APLP2: variants seen among roughly 807,000 people sequenced by gnomAD.
APLP2 encodes CDEI box-binding protein.
Under a neutral mutation model 89.9 loss-of-function variants are expected in APLP2, and 53 were observed. The ratio of observed to expected loss-of-function variants is 0.59; its 90% confidence interval spans 0.47 to 0.74. The LOEUF (loss-of-function observed/expected upper bound fraction) is 0.74, where lower values mean the gene tolerates loss of function less well. Among genes scored for constraint, APLP2 ranks in the 30% least tolerant of loss-of-function variants. The pLI, the probability that APLP2 is intolerant of heterozygous loss-of-function variation, is 0.00. For synonymous variants in APLP2, 372 were observed against 348.6 expected (o/e 1.07, Z -0.75); for missense variants, 973 against 975.9 (o/e 1.00, Z 0.04).
intron 1 of APLP2, among the ~76,000 whole-genome samples, chr11:130,082,027 A>G (rs1186872734): frequency 1.3e-5 from 2 of 152,218 alleles, no homozygotes; most frequent in Non-Finnish European, 2.9e-5. Flanking sequence ...TGACAGAACA[A>G]ATAACACCAT....
In APLP2 at chr11:130,086,604, T is replaced by C. The variant is rs145265349; in HGVS notation, c.105+16522T>C. ...GAAATCGTTGTGAAATATAATGTTATGAAGCTTTTCTCCTAAGTCTTCTTC... is the reference window on the plus strand; with the variant it reads ...GAAATCGTTGTGAAATATAATGTTACGAAGCTTTTCTCCTAAGTCTTCTTC... On this transcript the variant is annotated intron_variant, in intron 1 of 16. Transcript: ENST00000338167. Among the ~76,000 whole-genome samples the C allele has an allele frequency of 5.8e-3, 881 of 152,356 alleles. 13 individuals carry two copies. The highest frequency in any genetic ancestry group is 0.019 in the African/African-American group (785 of 41,576).
At chr11:130,124,119 G>A (rs1565591004) in intron 7 of APLP2, among the ~76,000 whole-genome samples, 2 of 152,136 alleles carry the variant, frequency 1.3e-5, no homozygotes, top group Non-Finnish European at 2.9e-5. Flanking sequence ...AGTATTGGTG[G>A]GGAAGGCAGC....
At chr11:130,090,933 CG>C in intron 1 of APLP2, among the ~76,000 whole-genome samples, 1 of 139,988 alleles carries the variant, frequency 7.1e-6, no homozygotes, top group South Asian at 2.4e-4. Flanking sequence ...GGCGGCTGGC[CG>C]GGCGGGGGGC....
chr11:130,092,613 A>C (rs1945536289), intron 1 of APLP2, among the ~76,000 whole-genome samples: 1 of 141,114 alleles, frequency 7.1e-6, no homozygotes, highest in Non-Finnish European at 1.5e-5. Context: ...GGGCAGACTG[A>C]GGCAGGAGAA....
Position 130,129,207 on chromosome 11 carries a change from G to C in APLP2, c.1455+1G>C, listed in dbSNP as rs112435458. The C allele has an allele frequency of 1.2e-6, 2 of 1,612,920 alleles. No homozygotes were observed. ...TGCCTTGCAGTCTGACCCGCCACGG[G>C]TGAGTCCTGCCCCTAGCACTGCCTG... On this transcript the variant is annotated splice_donor_variant, in intron 10 of 16. Transcript: ENST00000338167. LOFTEE classifies it high-confidence loss of function.
chr11:130,136,631 G>A (rs753768873), intron 13 of APLP2, among the ~76,000 whole-genome samples: 8 of 152,174 alleles, frequency 5.3e-5, no homozygotes, highest in Non-Finnish European at 1.0e-4. Context: ...GGTACATCCA[G>A]CTTAGCCTTC....
In APLP2 at chr11:130,140,432, C is replaced by T. The variant is rs112573341; in HGVS notation, c.1872C>T (p.Ile624=). 31 of 1,610,994 alleles carry T rather than the reference C, an allele frequency of 1.9e-5. No homozygotes were observed. The highest frequency in any genetic ancestry group is 1.7e-4 in the Middle Eastern group (1 of 6,050). ...SGVGEQDGGL[I]GAEEKVINSK... ...TGGGAGAGCAGGATGGGGGACTGAT[C>T]GGTGCCGAAGAGAAAGTGATTAACA... The change falls in exon 14 of 17, where the codon ATC becomes ATT. Residue 624 remains isoleucine (I), a synonymous_variant. Coordinates refer to ENST00000338167, the MANE Select transcript of APLP2 (RefSeq NM_001142276.2).
chr11:130,101,456 G>GA (rs904086098), intron 1 of APLP2: 2 of 151,646 alleles, frequency 1.3e-5, no homozygotes, highest in African/African-American at 5.0e-5. Context: ...AAAGTGCTGA[G>GA]ATTATAGGCG....
At position 130,130,034 on chromosome 11, in the gene APLP2, G is replaced by C. The variant is rs1434538352; in HGVS notation, c.1456-4G>C. On this transcript the variant is annotated splice_polypyrimidine_tract_variant and splice_region_variant and intron_variant, in intron 10 of 16. Transcript: ENST00000338167. ...GATATTAAAACAACTGTTCTCTCTT[G>C]CAGCCTCATCGCATTCTCCAGGCCT... The C allele has an allele frequency of 6.2e-7, 1 of 1,613,804 alleles. No homozygotes were observed. Among genetic ancestry groups the C allele is most frequent in the Non-Finnish European group, 8.5e-7 (1 of 1,179,860 alleles).
chr11:130,134,031 C>T (rs1419235541), intron 12 of APLP2, among the ~76,000 whole-genome samples: 1 of 152,198 alleles, frequency 6.6e-6, no homozygotes, highest in Non-Finnish European at 1.5e-5. Flanking sequence ...TCCCGTTTTC[C>T]TCCTTCGTTC....
intron 3 of APLP2, among the ~76,000 whole-genome samples, chr11:130,114,024 C>T (rs1244709277): frequency 1.3e-5 from 2 of 152,140 alleles, no homozygotes; most frequent in African/African-American, 4.8e-5. Flanking sequence ...CTTAATACTA[C>T]AGTGTGTATT....
chr11:130,069,922 C>G lies in APLP2; in HGVS notation c.-56C>G, dbSNP rs189638383. On this transcript the variant is annotated 5_prime_UTR_variant, in exon 1 of 17. Transcript: ENST00000338167. ...TGCTTCTGGGTCGCGGTGTGCTAAG[C>G]GAGGAGTCCGAGTGTGTGAGCTTGA... 1.2e-5 allele frequency: 16 copies of G among 1,324,668 alleles called. No individual in the cohort carries two copies. The highest frequency in any genetic ancestry group is 2.9e-5 in the East Asian group (1 of 33,944). The allele number at this position is 1,324,668 out of a possible 1,614,324, so 82.1% of individuals were successfully genotyped here.
intron 1 of APLP2, among the ~76,000 whole-genome samples, chr11:130,091,476 G>A (rs1945165534): frequency 3.0e-5 from 4 of 135,200 alleles, no homozygotes; most frequent in East Asian, 2.5e-4. Flanking sequence ...CAGACGGGGC[G>A]GCTGGCCGGG....
At chr11:130,074,599 T>C (rs1025904815) in intron 1 of APLP2, among the ~76,000 whole-genome samples, 2 of 152,228 alleles carry the variant, frequency 1.3e-5, no homozygotes, top group African/African-American at 4.8e-5. Context: ...AGAAGAATTC[T>C]ATAGGTAGTA....
intron 16 of APLP2, among the ~76,000 whole-genome samples, chr11:130,142,895 G>A (rs910639017): frequency 6.6e-6 from 1 of 152,210 alleles, no homozygotes; most frequent in African/African-American, 2.4e-5. Context: ...TTACAAGCAT[G>A]AGCTACTGCA....
chr11:130,096,572 GC>G (rs1403558053), intron 1 of APLP2, among the ~76,000 whole-genome samples: 3 of 152,102 alleles, frequency 2.0e-5, no homozygotes, highest in Admixed American at 6.5e-5. Flanking sequence ...TTAAAAATTA[GC>G]CAGGTGTGGT....
chr11:130,107,734 C>A (rs892542424), intron 1 of APLP2, among the ~76,000 whole-genome samples: 118 of 152,194 alleles, frequency 7.8e-4, no homozygotes, highest in Middle Eastern at 6.8e-3. Flanking sequence ...CATATGGAAC[C>A]AAAAAAGAGC....
At position 130,121,796 on chromosome 11, in the gene APLP2, T is replaced by C. The variant is rs752781277; in HGVS notation, c.699T>C (p.Tyr233=). ...EEEEEDEEED[Y]DVYKSEFPTE... The stretch of plus-strand genomic sequence containing the variant: ...AAGAGGAAGATGAAGAGGAAGACTA[T>C]GATGTTTATAAAAGGTAACTCTTCT... Residue 233 remains tyrosine (Y), a synonymous_variant, in exon 5 of 17, where the codon TAT becomes TAC. Coordinates refer to ENST00000338167, the MANE Select transcript of APLP2 (RefSeq NM_001142276.2). The C allele has an allele frequency of 7.4e-6, 12 of 1,611,846 alleles. No individual in the cohort carries two copies. The highest frequency in any genetic ancestry group is 9.3e-6 in the Non-Finnish European group (11 of 1,179,908).
chr11:130,087,846 T>C (rs1027189112), intron 1 of APLP2, among the ~76,000 whole-genome samples: 42 of 152,192 alleles, frequency 2.8e-4, no homozygotes, highest in African/African-American at 8.9e-4. Flanking sequence ...AAAAAAATCC[T>C]GCTGGGCTAT....
Sources: gnomAD v4.1 joint callset for allele counts (sites outside exome capture counted in the v4.1 genomes callset) on GRCh38, gnomAD v4.1.1 for gene constraint, MANE v1.5 for transcripts, NCBI Gene and HGNC (gene_info 2026-07-23, HGNC 2026-07-21) for gene names.